Variants in NDUFAF5 observed in about 807,000 individuals in gnomAD.
NDUFAF5 encodes the protein arginine-hydroxylase NDUFAF5, mitochondrial.
A neutral mutation model predicts 48.9 loss-of-function variants in NDUFAF5; 34 were observed. The ratio of observed to expected loss-of-function variants is 0.70; its 90% CI spans 0.53 to 0.93. NDUFAF5 has a LOEUF of 0.93. Among genes scored for constraint, NDUFAF5 ranks in the 40% least tolerant of loss-of-function variants. The probability of loss-of-function intolerance (pLI) is 0.00; values close to 1 mark genes in which losing one functional copy is unlikely to be tolerated. For missense variants in NDUFAF5, 428 were observed against 427.5 expected (o/e 1.00, Z -0.01); for synonymous variants, 153 against 150.6 (o/e 1.02, Z -0.12).
intron 7 of NDUFAF5, among the ~76,000 whole-genome samples, chr20:13,807,880 C>CGG: frequency 6.6e-6 from 1 of 151,578 alleles, no homozygotes; most frequent in Admixed American, 6.6e-5. Flanking sequence ...GTTCAGGAGG[C>CGG]AGAGGCTGCA....
In NDUFAF5 at chr20:13,820,495, A is replaced by G. The variant is rs1269685275; in HGVS notation, c.*3285A>G. The G allele has an allele frequency of 6.6e-6, 1 of 151,964 alleles. No individual in the cohort carries two copies. The highest frequency in any genetic ancestry group is 1.5e-5 in the Non-Finnish European group (1 of 68,046). 9.4% of individuals were successfully genotyped at this position (151,964 alleles called of 1,614,324 possible). A position where few individuals can be genotyped will look rare whatever the true frequency, so the allele number is the denominator to read the frequency against. On this transcript the variant is annotated 3_prime_UTR_variant, in exon 11 of 11. Transcript: ENST00000378106. ...GATTGCTTGAGCCCAGGAGTTTGAG[A>G]CCAGCTTGGGCAACGTGATGAAACC...
chr20:13,810,159 A>G (rs1442196468), intron 8 of NDUFAF5, among the ~76,000 whole-genome samples: 21 of 152,156 alleles, frequency 1.4e-4, no homozygotes, highest in Admixed American at 1.4e-3. Context: ...TTTGCCTAGG[A>G]TAAGAACATG....
At position 13,808,955 on chromosome 20, in the gene NDUFAF5, A is replaced by G. The variant is rs907542785; in HGVS notation, c.778+53A>G. On this transcript the variant is annotated intron_variant, in intron 8 of 10. Coordinates refer to ENST00000378106, the MANE Select transcript of NDUFAF5 (RefSeq NM_024120.5). The stretch of plus-strand genomic sequence containing the variant: ...TCCATTGGGAAAGGTAGGCCAAAAA[A>G]AAAGAATTTTTAGACTCCATTTGAG... 1.9e-5 allele frequency: 24 copies of G among 1,289,458 alleles called. No individual in the cohort carries two copies. In the African/African-American group the frequency reaches 3.1e-4, roughly 16 times the overall value. The allele number at this position is 1,289,458 out of a possible 1,614,324, so 79.9% of individuals were successfully genotyped here.
intron 6 of NDUFAF5, among the ~76,000 whole-genome samples, chr20:13,800,377 T>C (rs1347771355): frequency 6.6e-6 from 1 of 152,238 alleles, no homozygotes; most frequent in Non-Finnish European, 1.5e-5. Flanking sequence ...AATATAAATT[T>C]AAGACAGTAC....
chr20:13,804,806 C>T (rs967574042), intron 7 of NDUFAF5, among the ~76,000 whole-genome samples: 2 of 152,116 alleles, frequency 1.3e-5, no homozygotes, highest in Non-Finnish European at 1.5e-5. Flanking sequence ...ACAGAAATCC[C>T]TGCGTGGTGT....
intron 1 of NDUFAF5, 69 bp downstream of exon 1, chr20:13,785,359 C>G (rs965127058): frequency 5.9e-6 from 8 of 1,352,528 alleles, no homozygotes; most frequent in Admixed American, 2.0e-5. Context: ...CCGCTAGTTC[C>G]GGCTAGGCCC....
At chr20:13,787,884 A>C (rs8117663) in intron 2 of NDUFAF5, among the ~76,000 whole-genome samples, 2,024 of 152,032 alleles carry the variant, frequency 0.013, 52 homozygotes, top group African/African-American at 0.046. Context: ...AAGTTTTCTT[A>C]TTATAGGTTT....
intron 2 of NDUFAF5, among the ~76,000 whole-genome samples, chr20:13,788,172 G>A (rs1202191168): frequency 6.6e-6 from 1 of 152,148 alleles, no homozygotes; most frequent in Non-Finnish European, 1.5e-5. Flanking sequence ...ATACTTAATG[G>A]TATTTCACAT....
intron 8 of NDUFAF5, among the ~76,000 whole-genome samples, chr20:13,814,813 C>T: frequency 6.6e-6 from 1 of 152,146 alleles, no homozygotes; most frequent in East Asian, 1.9e-4. Context: ...GACTTTGCCC[C>T]AGGTTATATA....
At position 13,794,900 on chromosome 20, in the gene NDUFAF5, CT is replaced by C; in HGVS notation, c.440del (p.Phe147SerfsTer13). 6.2e-7 allele frequency: 1 copy of C among 1,613,592 alleles called. No homozygotes were observed. Among genetic ancestry groups the C allele is most frequent in the Non-Finnish European group, 8.5e-7 (1 of 1,179,530 alleles). On this transcript the variant is annotated frameshift_variant, in exon 5 of 11. Coordinates refer to ENST00000378106, the MANE Select transcript of NDUFAF5 (RefSeq NM_024120.5). LOFTEE classifies it high-confidence loss of function. ...TTTTAGCTGATGAAGAATTCCTTCC[CT>C]TCAAAGAAAATACATTTGACCTGGT... ...SVLADEEFLPFKENTFDLVVS... is the reference protein window; with the variant it reads ...SVLADEEFLPXKENTFDLVVS...
chr20:13,809,142 G>A, intron 8 of NDUFAF5: 1 of 549,166 alleles, frequency 1.8e-6, no homozygotes, highest in Non-Finnish European at 3.3e-6. Context: ...TAGAATTATG[G>A]TCAGTGCTAT....
At position 13,817,408 on chromosome 20, in the gene NDUFAF5, CTGAG is replaced by C. The variant is rs751818696; in HGVS notation, c.*201_*204del. On this transcript the variant is annotated 3_prime_UTR_variant, in exon 11 of 11. Transcript: ENST00000378106. ...TGTTTCTGTTCTCATAAGGATACTG[CTGAG>C]TGTCTTTGCAGATTCAGCCTAAAAG... 3 of 684,648 alleles carry C rather than the reference CTGAG, an allele frequency of 4.4e-6. No homozygotes were observed. Among genetic ancestry groups the C allele is most frequent in the Non-Finnish European group, 8.0e-6 (3 of 375,190 alleles). 42.4% of individuals were successfully genotyped at this position (684,648 alleles called of 1,614,324 possible).
intron 2 of NDUFAF5, among the ~76,000 whole-genome samples, chr20:13,787,727 T>C (rs565626128): frequency 3.8e-4 from 58 of 152,324 alleles, no homozygotes; most frequent in Non-Finnish European, 7.2e-4. Context: ...CATCAAGATA[T>C]AGGGCATTAG....
intron 3 of NDUFAF5, among the ~76,000 whole-genome samples, chr20:13,790,566 A>G (rs1234448396): frequency 6.6e-6 from 1 of 152,140 alleles, no homozygotes; most frequent in Non-Finnish European, 1.5e-5. Flanking sequence ...TTGTCATGGC[A>G]AAGTATCCTC....
chr20:13,785,045 C>T lies in NDUFAF5; in HGVS notation c.-24C>T. The T allele has an allele frequency of 7.5e-6, 12 of 1,600,092 alleles. No homozygotes were observed. Among genetic ancestry groups the T allele is most frequent in the South Asian group, 1.1e-5 (1 of 89,912 alleles). On this transcript the variant is annotated 5_prime_UTR_variant, in exon 1 of 11. Coordinates refer to ENST00000378106, the MANE Select transcript of NDUFAF5 (RefSeq NM_024120.5). ...GCTGGCGCATGCGCACAAAAAGCGC[C>T]GGCAATTGGGGTCGCAGCTGGAGAT... is the stretch of plus-strand genomic sequence containing the variant.
At position 13,793,207 on chromosome 20, in the gene NDUFAF5, G is replaced by A. The variant is rs776653579; in HGVS notation, c.355G>A (p.Asp119Asn). ...KETIGKFFQA[D>N]IAENALKNSS... ...AACTATTGGAAAGTTTTTCCAAGCT[G>A]ACATTGCAGAAAATGCTTTGGTAGG... Residue 119 changes from aspartate (D) to asparagine (N), a missense_variant, in exon 4 of 11, where the codon GAC (aspartate) becomes AAC (asparagine). Transcript: ENST00000378106. The A allele has an allele frequency of 6.2e-7, 1 of 1,613,744 alleles. No individual in the cohort carries two copies. The highest frequency in any genetic ancestry group is 1.3e-5 in the African/African-American group (1 of 74,906).
At position 13,817,509 on chromosome 20, in the gene NDUFAF5, A is replaced by C; in HGVS notation, c.*299A>C. 2.0e-6 allele frequency: 1 copy of C among 512,816 alleles called. No homozygotes were observed. The highest frequency in any genetic ancestry group is 1.5e-5 in the South Asian group (1 of 65,030). 31.8% of individuals were successfully genotyped at this position (512,816 alleles called of 1,614,324 possible). A position where few individuals can be genotyped will look rare whatever the true frequency, so the allele number is the denominator to read the frequency against. On this transcript the variant is annotated 3_prime_UTR_variant, in exon 11 of 11. Coordinates refer to ENST00000378106, the MANE Select transcript of NDUFAF5 (RefSeq NM_024120.5). ...GTAAATGCCTTGGAAAATATTACTC[A>C]TGCTGACCTTTTACACCTTTTTCAT...
chr20:13,793,468 C>G (rs139156540), intron 4 of NDUFAF5, among the ~76,000 whole-genome samples: 40 of 152,286 alleles, frequency 2.6e-4, no homozygotes, highest in South Asian at 6.2e-4. Context: ...CCCCGCCCCC[C>G]CAACACACAA....
chr20:13,785,433 T>C (rs1375986164), intron 1 of NDUFAF5, 143 bp downstream of exon 1: 3 of 677,154 alleles, frequency 4.4e-6, no homozygotes, highest in Non-Finnish European at 7.4e-6. Flanking sequence ...GCCTCTACTG[T>C]AATCACGCAA....
Sources: allele counts gnomAD v4.1 joint callset (sites outside exome capture counted in the v4.1 genomes callset), GRCh38; gene constraint gnomAD v4.1.1; transcripts MANE v1.5; gene names NCBI Gene and HGNC (gene_info 2026-07-23, HGNC 2026-07-21).